LYST: variants seen among roughly 807,000 people sequenced by gnomAD.
LYST encodes the protein lysosomal-trafficking regulator.
A neutral mutation model predicts 413.6 loss-of-function variants in LYST; 192 were observed. That is an observed-to-expected ratio of 0.46 (90% confidence interval 0.41 to 0.52). The LOEUF is 0.52. Among genes scored for constraint, LYST ranks in the 20% least tolerant of loss-of-function variants. The pLI is 0.00. For synonymous variants in LYST, 1,525 were observed against 1,567.3 expected (o/e 0.97, Z 0.64); for missense variants, 3,815 against 4,499.9 (o/e 0.85, Z 4.35).
chr1:235,718,988 A>G (rs1052828975), intron 40 of LYST, among the ~76,000 whole-genome samples: 1 of 152,122 alleles, frequency 6.6e-6, no homozygotes, highest in Non-Finnish European at 1.5e-5. Flanking sequence ...TTTGGCAGCG[A>G]GAGGCACTTC....
chr1:235,742,550 T>C (rs1665524835), intron 30 of LYST, among the ~76,000 whole-genome samples: 1 of 148,984 alleles, frequency 6.7e-6, no homozygotes, highest in African/African-American at 2.5e-5. Flanking sequence ...TTAAAAATGG[T>C]TAAAATGGTA....
Position 235,766,115 on chromosome 1 carries a change from G to C in LYST, c.6085C>G (p.His2029Asp). The C allele has an allele frequency of 1.9e-6, 3 of 1,613,570 alleles. No homozygotes were observed. Among genetic ancestry groups the C allele is most frequent in the Non-Finnish European group, 2.5e-6 (3 of 1,179,556 alleles). ...VHPPTNTYVC[H>D]NPTNFYFSLH... ...GAAAAGTAGAAGTTCGTGGGATTGT[G>C]ACAAACGTAAGTATTAGTAGGAGGG... Residue 2029 changes from histidine to aspartate, a missense_variant, in exon 21 of 53, where the codon CAC becomes GAC. This residue lies in a region of LYST where 530 missense variants were observed against 696.5 expected (regional missense o/e 0.76). Transcript: ENST00000389793.
At chr1:235,797,522 G>GGACA (rs1671681202) in intron 10 of LYST, among the ~76,000 whole-genome samples, 1 of 151,866 alleles carries the variant, frequency 6.6e-6, no homozygotes, top group Admixed American at 6.6e-5. Flanking sequence ...AATGGGGGAG[G>GGACA]GACAGTCTCT....
rs918517685 is a variant in LYST, at chr1:235,664,863, C to A, written c.11039-242G>T. Among the ~76,000 whole-genome samples, 5 of 152,214 alleles carry A rather than the reference C, an allele frequency of 3.3e-5. No individual in the cohort carries two copies. The highest frequency in any genetic ancestry group is 9.6e-5 in the African/African-American group (4 of 41,454). On this transcript the variant is annotated intron_variant, in intron 50 of 52. Transcript: ENST00000389793. This position sits in a 1 kb window ranked among gnomAD's most constrained non-coding sequence, Gnocchi z 4.5. ...CCAGGCTGGAGTGCAGTGGTGTGAT[C>A]TTGGCTCACTGTAACTGCCTCCTGA... is the stretch of plus-strand genomic sequence containing the variant.
chr1:235,857,695 G>GTA (rs955140112), intron 1 of LYST, among the ~76,000 whole-genome samples: 18 of 144,500 alleles, frequency 1.2e-4, no homozygotes, highest in East Asian at 2.0e-4. Flanking sequence ...GCACACAGGT[G>GTA]TATATATATA....
Position 235,808,791 on chromosome 1 carries a change from C to G in LYST, c.2027G>C (p.Gly676Ala). 4 of 1,613,936 alleles carry G rather than the reference C, an allele frequency of 2.5e-6. No homozygotes were observed. The highest frequency in any genetic ancestry group is 3.4e-6 in the Non-Finnish European group (4 of 1,179,964). Residue 676 changes from glycine (G) to alanine (A), a missense_variant, in exon 5 of 53, where the codon GGG (glycine) becomes GCG (alanine). Gly to Ala is a moderately conservative substitution (Grantham distance 60, BLOSUM62 0). This residue lies in a region of LYST where 1,648 missense variants were observed against 1,810.3 expected (regional missense o/e 0.91). Transcript: ENST00000389793. ...TTCAGATCCACTGCTGGGCAGGATC[C>G]CTTGAAATCTGTAAGAAGGACTGGA... is the stretch of plus-strand genomic sequence containing the variant. ...SLSSPSYRFQ[G>A]ILPSSGSEDL...
rs536583501 is a variant in LYST at position 235,750,333 on chromosome 1, T to G, written c.7780+877A>C. ...TTTATATAAGTTTGATTTAGCATAA[T>G]TTAAACATACTACTGCAAAACAATG... is the stretch of plus-strand genomic sequence containing the variant. On this transcript the variant is annotated intron_variant, in intron 28 of 52. Transcript: ENST00000389793. Among the ~76,000 whole-genome samples the G allele has an allele frequency of 2.6e-5, 4 of 152,324 alleles. No individual in the cohort carries two copies. The East Asian group carries it at 7.7e-4, about 29-fold the overall frequency.
chr1:235,769,851 C>A (rs1054562083), intron 20 of LYST, among the ~76,000 whole-genome samples: 2 of 152,006 alleles, frequency 1.3e-5, no homozygotes, highest in African/African-American at 4.8e-5. Flanking sequence ...AGTTAAAATT[C>A]ATTAACTATT....
intron 2 of LYST, among the ~76,000 whole-genome samples, chr1:235,831,077 G>C (rs1675918042): frequency 6.6e-6 from 1 of 152,188 alleles, no homozygotes; most frequent in African/African-American, 2.4e-5. Flanking sequence ...GAAAAACCAT[G>C]AACAACGAAA....
At position 235,810,796 on chromosome 1, in the gene LYST, T is replaced by C. The variant is rs546058855; in HGVS notation, c.284-262A>G. On this transcript the variant is annotated intron_variant, in intron 4 of 52. Transcript: ENST00000389793. ...CAACAAAACAGAGGCACACCTATACTTACTCTAAACACTAGCTGACATTAC... is the reference window on the plus strand; with the variant it reads ...CAACAAAACAGAGGCACACCTATACCTACTCTAAACACTAGCTGACATTAC... Among the ~76,000 whole-genome samples the C allele has an allele frequency of 2.6e-5, 4 of 152,306 alleles. No individual in the cohort carries two copies. In the East Asian group the frequency reaches 7.7e-4, roughly 29 times the overall value.
intron 28 of LYST, among the ~76,000 whole-genome samples, chr1:235,750,384 G>A (rs1406644952): frequency 6.6e-6 from 1 of 152,190 alleles, no homozygotes; most frequent in Non-Finnish European, 1.5e-5. Flanking sequence ...TTCTTTACAA[G>A]TGAGTTTTTC....
At chr1:235,683,705 G>A (rs1460292638) in intron 48 of LYST, among the ~76,000 whole-genome samples, 1 of 152,174 alleles carries the variant, frequency 6.6e-6, no homozygotes, top group Admixed American at 6.5e-5. Flanking sequence ...TTTTGTCTGT[G>A]TTAAAGACAA....
At chr1:235,746,947 T>C (rs1444665597) in intron 28 of LYST, among the ~76,000 whole-genome samples, 1 of 152,252 alleles carries the variant, frequency 6.6e-6, no homozygotes, top group Non-Finnish European at 1.5e-5. Flanking sequence ...ATTACTGTTG[T>C]TGAATTTCAT....
chr1:235,838,603 T>A lies in LYST; in HGVS notation c.-97-4936A>T, dbSNP rs1026085404. Among the ~76,000 whole-genome samples, 3 of 152,258 alleles carry A rather than the reference T, an allele frequency of 2.0e-5. No individual in the cohort carries two copies. In the South Asian group the frequency reaches 6.2e-4, roughly 31 times the overall value. ...AAAATCTATGGAAGCTACATTTTTTTAAATTTTAGAACATTATTCCTCCAC... is the reference window on the plus strand; with the variant it reads ...AAAATCTATGGAAGCTACATTTTTTAAAATTTTAGAACATTATTCCTCCAC... On this transcript the variant is annotated intron_variant, in intron 1 of 52. Coordinates refer to ENST00000389793, the MANE Select transcript of LYST (RefSeq NM_000081.4).
At chr1:235,722,193 G>A (rs1663429366) in intron 39 of LYST, among the ~76,000 whole-genome samples, 1 of 152,192 alleles carries the variant, frequency 6.6e-6, no homozygotes, top group Non-Finnish European at 1.5e-5. Flanking sequence ...GAGAACAGCA[G>A]ACAATGACGT....
At chr1:235,727,722 C>G (rs570766460) in intron 38 of LYST, among the ~76,000 whole-genome samples, 10 of 152,064 alleles carry the variant, frequency 6.6e-5, no homozygotes, top group Admixed American at 5.2e-4. Flanking sequence ...TAATATTTTT[C>G]CTTTCTTTCT....
Position 235,746,447 on chromosome 1 carries a change from T to A in LYST, c.7861A>T (p.Met2621Leu). 6.2e-7 allele frequency: 1 copy of A among 1,613,976 alleles called. No homozygotes were observed. Residue 2621 changes from methionine (M) to leucine (L), a missense_variant, in exon 29 of 53, where the codon ATG (methionine) becomes TTG (leucine). By Grantham distance (15) the Met-to-Leu change is conservative. This residue lies in a region of LYST where 771 missense variants were observed against 837.1 expected (regional missense o/e 0.92). Transcript: ENST00000389793. ...RSVANDELHV[M>L]MQRRMSQENP... The stretch of plus-strand genomic sequence containing the variant: ...TCTTGGCTCATTCTCCGTTGCATCA[T>A]CACATGAAGCTCATCATTTGCCACT...
intron 47 of LYST, among the ~76,000 whole-genome samples, chr1:235,691,950 G>A (rs1660690396): frequency 6.6e-6 from 1 of 150,568 alleles, no homozygotes; most frequent in Non-Finnish European, 1.5e-5. Flanking sequence ...CCCGCACCTT[G>A]GCCTCCCAAA....
At position 235,744,097 on chromosome 1, in the gene LYST, G is replaced by A. The variant is rs761537042; in HGVS notation, c.8033C>T (p.Thr2678Ile). Reference protein sequence around the residue: ...RTPENVTQSKTSVFQTEISEE... With the variant: ...RTPENVTQSKISVFQTEISEE... Reference sequence around the variant, plus strand: ...AGAAATTTCGGTCTGGAAAACTGAGGTCTTGCTTTGAGTTACATTTTCTGG... The same window carrying A: ...AGAAATTTCGGTCTGGAAAACTGAGATCTTGCTTTGAGTTACATTTTCTGG... Residue 2678 changes from threonine to isoleucine, a missense_variant, in exon 30 of 53, where the codon ACC (threonine) becomes ATC (isoleucine). Physicochemically the swap from Thr to Ile is moderately conservative, Grantham distance 89. This residue lies in a region of LYST where 771 missense variants were observed against 837.1 expected (regional missense o/e 0.92). Coordinates refer to ENST00000389793, the MANE Select transcript of LYST (RefSeq NM_000081.4). 6.2e-7 allele frequency: 1 copy of A among 1,600,010 alleles called. No homozygotes were observed. The highest frequency in any genetic ancestry group is 1.1e-5 in the South Asian group (1 of 90,788).
Sources: gnomAD v4.1 joint callset for allele counts (sites outside exome capture counted in the v4.1 genomes callset) on GRCh38, gnomAD v4.1.1 for gene constraint, gnomAD v4.1.1 regional missense constraint, Gnocchi (gnomAD v3.1) non-coding constraint, MANE v1.5 for transcripts, NCBI Gene and HGNC (gene_info 2026-07-23, HGNC 2026-07-21) for gene names.